The following SLC6A18 variants were observed in gnomAD, a reference collection of about 807,000 sequenced individuals.
The protein encoded by SLC6A18 is solute carrier family 6 member 18.
A neutral mutation model predicts 62.9 loss-of-function variants in SLC6A18; 58 were observed. The observed-to-expected ratio is 0.92, with a 90% CI of 0.75 to 1.15. The LOEUF is 1.15. SLC6A18 is among the 50% of genes most tolerant of loss of function. SLC6A18 has a pLI of 0.00. For missense variants in SLC6A18, 793 were observed against 836.6 expected, an observed-to-expected ratio of 0.95 and a Z score of 0.64; for synonymous variants, 382 against 365.8, an observed-to-expected ratio of 1.04 and a Z score of -0.51.
At position 1,235,466 on chromosome 5, in the gene SLC6A18, G is replaced by C; in HGVS notation, c.440-15G>C. ...ACGCCCCACAGCCAGCCTGTGACAG[G>C]CCCCCTGGTTTCAGGGTTTGTGGAG... On this transcript the variant is annotated splice_polypyrimidine_tract_variant and intron_variant, in intron 3 of 11. Coordinates refer to ENST00000324642, the MANE Select transcript of SLC6A18 (RefSeq NM_182632.3). 6.2e-7 allele frequency: 1 copy of C among 1,611,022 alleles called. No individual in the cohort carries two copies. Among genetic ancestry groups the C allele is most frequent in the South Asian group, 1.1e-5 (1 of 90,962 alleles).
intron 5 of SLC6A18, 56 bp downstream of exon 5, chr5:1,238,116 T>C: frequency 7.3e-7 from 1 of 1,369,906 alleles, no homozygotes; most frequent in Non-Finnish European, 1.0e-6. Flanking sequence ...TTCAGGGCTG[T>C]GGCCAGCAGC....
At chr5:1,244,982 G>A (rs1747182016) in intron 11 of SLC6A18, among the ~76,000 whole-genome samples, 1 of 152,134 alleles carries the variant, frequency 6.6e-6, no homozygotes, top group South Asian at 2.1e-4. Flanking sequence ...GATCAGAAAT[G>A]GCATGGGGGT....
rs566588642 is a variant in SLC6A18, at chr5:1,243,963, C to T, written c.1336+204C>T. On this transcript the variant is annotated intron_variant, in intron 9 of 11. Coordinates refer to ENST00000324642, the MANE Select transcript of SLC6A18 (RefSeq NM_182632.3). This position sits in a 1 kb window ranked among gnomAD's most constrained non-coding sequence, Gnocchi z 6.5. The stretch of plus-strand genomic sequence containing the variant: ...GGGAGGGTCAGGGCTGCCCCTCCCC[C>T]ACGGCCCCGGAGGCCACATCCCCCA... 6.6e-6 allele frequency among the ~76,000 whole-genome samples: 1 copy of T among 152,176 alleles called. No individual in the cohort carries two copies. Among genetic ancestry groups the T allele is most frequent in the African/African-American group, 2.4e-5 (1 of 41,452 alleles).
At chr5:1,235,371 C>A in intron 3 of SLC6A18, 110 bp from the exon 4 acceptor site, 1 of 1,088,468 alleles carries the variant, frequency 9.2e-7, no homozygotes, top group Non-Finnish European at 1.3e-6. Flanking sequence ...AAGGGCACCT[C>A]AGCCCAAAAG....
In SLC6A18 at chr5:1,235,507, A is replaced by G. The variant is rs760174433; in HGVS notation, c.466A>G (p.Ser156Gly). The G allele has an allele frequency of 6.2e-7, 1 of 1,614,016 alleles. No homozygotes were observed. The highest frequency in any genetic ancestry group is 1.7e-5 in the Admixed American group (1 of 60,032). Residue 156 changes from serine to glycine, a missense_variant, in exon 4 of 12, where the codon AGC becomes GGC. Ser to Gly is a moderately conservative substitution (Grantham distance 56, BLOSUM62 0). Transcript: ENST00000324642. Reference sequence around the variant, plus strand: ...GTTTGTGGAGGAGTGCCAGGGCAGCAGCGCCGTGAGCTACTTCTGGTACCG... The same window carrying G: ...GTTTGTGGAGGAGTGCCAGGGCAGCGGCGCCGTGAGCTACTTCTGGTACCG... Reference protein sequence around the residue: ...TGFVEECQGSSAVSYFWYRQT... With the variant: ...TGFVEECQGSGAVSYFWYRQT...
intron 1 of SLC6A18, among the ~76,000 whole-genome samples, chr5:1,230,821 G>A (rs1029301322): frequency 6.6e-6 from 1 of 152,170 alleles, no homozygotes; most frequent in African/African-American, 2.4e-5. Context: ...CCCGCAGCCT[G>A]TCCCAGCACC....
At chr5:1,236,665 G>A (rs1335703422) in intron 4 of SLC6A18, among the ~76,000 whole-genome samples, 1 of 152,152 alleles carries the variant, frequency 6.6e-6, no homozygotes, top group Non-Finnish European at 1.5e-5. Flanking sequence ...CTCAGTCCAT[G>A]CACCCTGGAC....
chr5:1,235,580 A>C lies in SLC6A18; in HGVS notation c.539A>C (p.Gln180Pro). 4 of 1,614,020 alleles carry C rather than the reference A, an allele frequency of 2.5e-6. No homozygotes were observed. The South Asian group carries it at 3.3e-5, about 13-fold the overall frequency. The change falls in exon 4 of 12, where the codon CAG becomes CCG. Residue 180 changes from glutamine to proline, a missense_variant. Physicochemically the swap from Gln to Pro is moderately conservative, Grantham distance 76. Coordinates refer to ENST00000324642, the MANE Select transcript of SLC6A18 (RefSeq NM_182632.3). ...TADINDSGSI[Q>P]WWLLICLAAS... ...GACATCAATGACAGTGGCTCCATCC[A>C]GTGGTGGCTGCTCATCTGCTTGGCA...
At chr5:1,236,165 G>A (rs912531864) in intron 4 of SLC6A18, among the ~76,000 whole-genome samples, 9 of 151,890 alleles carry the variant, frequency 5.9e-5, no homozygotes, top group African/African-American at 2.2e-4. Flanking sequence ...CTTTCTCTAG[G>A]TATTTTTCAG....
Position 1,225,621 on chromosome 5 carries a change from C to A in SLC6A18, c.144C>A (p.Cys48Ter), listed in dbSNP as rs1203960322. The change falls in exon 1 of 12, where the codon TGC becomes TGA. Residue 48 changes from cysteine (C) to a stop codon, truncating the protein, a stop_gained. Transcript: ENST00000324642. LOFTEE classifies it high-confidence loss of function. ...ACATTTGGCGGTTCCCATACCTGTG[C>A]CAGACCTATGGAGGAGGTAAGCACC... is the stretch of plus-strand genomic sequence containing the variant. The part of the protein sequence containing the change: ...LGNIWRFPYL[C>*]QTYGGGAFLI... 1 of 1,593,454 alleles carries A rather than the reference C, an allele frequency of 6.3e-7. No homozygotes were observed.
In SLC6A18 at chr5:1,246,133, G is replaced by A. The variant is rs932679370; in HGVS notation, c.*55G>A. On this transcript the variant is annotated 3_prime_UTR_variant, in exon 12 of 12. Coordinates refer to ENST00000324642, the MANE Select transcript of SLC6A18 (RefSeq NM_182632.3). ...GGTCTGTGGGGGGGCTTGGCCTGATGGTGGGCGGGGCCCCGCCCACAGGGC... is the reference window on the plus strand; with the variant it reads ...GGTCTGTGGGGGGGCTTGGCCTGATAGTGGGCGGGGCCCCGCCCACAGGGC... The A allele has an allele frequency of 8.7e-6, 13 of 1,492,718 alleles. No homozygotes were observed. In the African/African-American group the frequency reaches 1.9e-4, roughly 21 times the overall value. 92.5% of individuals were successfully genotyped at this position (1,492,718 alleles called of 1,614,324 possible).
chr5:1,225,392 G>C lies in SLC6A18; in HGVS notation c.-86G>C. Reference sequence around the variant, plus strand: ...GTGGGGCTGCTTGTGGTTTCCAAACGTCGGCAGAGGCTGGAGACGGCTCTC... The same window carrying C: ...GTGGGGCTGCTTGTGGTTTCCAAACCTCGGCAGAGGCTGGAGACGGCTCTC... On this transcript the variant is annotated 5_prime_UTR_variant, in exon 1 of 12. Coordinates refer to ENST00000324642, the MANE Select transcript of SLC6A18 (RefSeq NM_182632.3). 7.1e-7 allele frequency: 1 copy of C among 1,405,456 alleles called. No homozygotes were observed. The allele number at this position is 1,405,456 out of a possible 1,614,324, so 87.1% of individuals were successfully genotyped here.
In SLC6A18 at chr5:1,233,352, TCTGTAATCCCAGCTAGCCAGGAGG is replaced by T. The variant is rs1746786866; in HGVS notation, c.439+468_439+491del. ...AATCAGCCAGGCATGGTGGCGGGCA[TCTGTAATCCCAGCTAGCCAGGAGG>T]CTGAGACAGAAGAATTGCTTGAACC... is the stretch of plus-strand genomic sequence containing the variant. On this transcript the variant is annotated intron_variant, in intron 3 of 11. Transcript: ENST00000324642. 2.0e-5 allele frequency among the ~76,000 whole-genome samples: 3 copies of T among 152,052 alleles called. No individual in the cohort carries two copies. The South Asian group carries it at 6.2e-4, about 32-fold the overall frequency.
intron 6 of SLC6A18, 60 bp downstream of exon 6, chr5:1,239,622 C>T: frequency 7.7e-7 from 1 of 1,297,454 alleles, no homozygotes. Flanking sequence ...CCGAGCACTT[C>T]CTGATCTCAG....
At chr5:1,234,260 C>T (rs919272584) in intron 3 of SLC6A18, among the ~76,000 whole-genome samples, 4 of 152,238 alleles carry the variant, frequency 2.6e-5, no homozygotes, top group Admixed American at 1.3e-4. Context: ...CTAAAACTCA[C>T]GCTGGGCTGG....
At position 1,235,578 on chromosome 5, in the gene SLC6A18, C is replaced by T; in HGVS notation, c.537C>T (p.Ile179=). Residue 179 remains isoleucine, a synonymous_variant, in exon 4 of 12, where the codon ATC becomes ATT. Transcript: ENST00000324642. ...CCGACATCAATGACAGTGGCTCCAT[C>T]CAGTGGTGGCTGCTCATCTGCTTGG... is the stretch of plus-strand genomic sequence containing the variant. ...ITADINDSGS[I]QWWLLICLAA... is the part of the protein sequence containing the mutation. The T allele has an allele frequency of 6.8e-6, 11 of 1,614,054 alleles. No homozygotes were observed. The highest frequency in any genetic ancestry group is 9.3e-6 in the Non-Finnish European group (11 of 1,180,036).
At chr5:1,234,388 C>T (rs908069347) in intron 3 of SLC6A18, among the ~76,000 whole-genome samples, 1 of 152,170 alleles carries the variant, frequency 6.6e-6, no homozygotes, top group African/African-American at 2.4e-5. Context: ...CTCCTGGCAC[C>T]TCTCTGAGGG....
At chr5:1,242,964 C>G (rs1747105093) in intron 8 of SLC6A18, 101 bp downstream of exon 8, 2 of 1,357,946 alleles carry the variant, frequency 1.5e-6, no homozygotes, top group Non-Finnish European at 2.0e-6. Context: ...ACAATTCCCA[C>G]AGACCCAGGG....
At position 1,232,767 on chromosome 5, in the gene SLC6A18, G is replaced by T. The variant is rs779429362; in HGVS notation, c.318G>T (p.Thr106=). ...YLSGVGLGCV[T]LSFLISLYYN... Reference sequence around the variant, plus strand: ...TGTCCACAGGGCTGGGCTGTGTCACGCTGTCCTTCCTGATCAGCCTGTACT... The same window carrying T: ...TGTCCACAGGGCTGGGCTGTGTCACTCTGTCCTTCCTGATCAGCCTGTACT... The change falls in exon 3 of 12, where the codon ACG becomes ACT. Residue 106 remains threonine, a synonymous_variant. Coordinates refer to ENST00000324642, the MANE Select transcript of SLC6A18 (RefSeq NM_182632.3). The T allele has an allele frequency of 6.2e-7, 1 of 1,613,182 alleles. No individual in the cohort carries two copies. Among genetic ancestry groups the T allele is most frequent in the East Asian group, 2.2e-5 (1 of 44,874 alleles).
Sources: gnomAD v4.1 joint callset for allele counts (sites outside exome capture counted in the v4.1 genomes callset) on GRCh38, gnomAD v4.1.1 for gene constraint, Gnocchi (gnomAD v3.1) non-coding constraint, MANE v1.5 for transcripts, NCBI Gene and HGNC (gene_info 2026-07-23, HGNC 2026-07-21) for gene names.